The following ZC3H11A variants were observed in gnomAD, a reference collection of about 807,000 sequenced individuals.
ZC3H11A encodes the protein zinc finger CCCH-type containing 11A.
ZC3H11A carries 22 observed loss-of-function variants against 90.8 expected under a neutral mutation model. That is an observed-to-expected ratio of 0.24 (90% confidence interval 0.17 to 0.35). The LOEUF (loss-of-function observed/expected upper bound fraction) is 0.35, where lower values mean the gene tolerates loss of function less well. Ranked by LOEUF, ZC3H11A falls within the 10% of genes least tolerant of loss-of-function variation. ZC3H11A has a pLI of 1.00. For missense variants in ZC3H11A, 701 were observed against 964.9 expected (o/e 0.73, Z 3.62); for synonymous variants, 294 against 339.8 (o/e 0.87, Z 1.48).
intron 5 of ZC3H11A, 49 bp downstream of exon 5, chr1:203,828,471 T>C (rs1681267826): frequency 1.9e-6 from 3 of 1,558,432 alleles, no homozygotes; most frequent in African/African-American, 1.4e-5. Flanking sequence ...ACACCTATTA[T>C]GCACACTGTA....
rs77585755 is a variant in ZC3H11A, at chr1:203,798,675, G to A, written c.-1588+2881G>A. ...AAACAGATCTGAAAGTCCTATTCCC[G>A]TTGCAGAGCAAGGCACTCTGATGCG... On this transcript the variant is annotated intron_variant, in intron 1 of 17. Coordinates refer to ENST00000367210, the MANE Select transcript of ZC3H11A (RefSeq NM_001376342.1). 5,478 of 1,536,098 alleles carry A rather than the reference G, an allele frequency of 3.6e-3. 22 individuals carry two copies. Among genetic ancestry groups the A allele is most frequent in the Non-Finnish European group, 4.4e-3 (5,086 of 1,146,906 alleles).
At chr1:203,814,910 A>C (rs1572036770) in intron 2 of ZC3H11A, 1 of 151,864 alleles carries the variant, frequency 6.6e-6, no homozygotes, top group African/African-American at 2.4e-5. Context: ...GCTCACTGCA[A>C]CCTCCACCTC....
At chr1:203,836,017 A>G (rs1684211890) in intron 10 of ZC3H11A, 5 of 154,458 alleles carry the variant, frequency 3.2e-5, no homozygotes, top group South Asian at 4.1e-4. Context: ...TTAGAGTACA[A>G]ACCAAACCAG....
chr1:203,796,150 G>A, intron 1 of ZC3H11A: 1 of 285,620 alleles, frequency 3.5e-6, no homozygotes, highest in Non-Finnish European at 6.5e-6. Context: ...AAAACCGACT[G>A]TTCCCCCGAA....
intron 2 of ZC3H11A, among the ~76,000 whole-genome samples, chr1:203,809,460 G>A (rs951969569): frequency 2.6e-5 from 4 of 152,042 alleles, no homozygotes; most frequent in Non-Finnish European, 4.4e-5. Context: ...ACAGGCCTGA[G>A]CCACCGCACC....
At chr1:203,798,270 A>G (rs752482003) in intron 1 of ZC3H11A, 29 of 1,536,160 alleles carry the variant, frequency 1.9e-5, no homozygotes, top group Non-Finnish European at 2.3e-5. Context: ...ATTTCTCATC[A>G]AAAGTAACAT....
chr1:203,844,365 G>A (rs1391613002), intron 12 of ZC3H11A, among the ~76,000 whole-genome samples: 2 of 151,352 alleles, frequency 1.3e-5, no homozygotes, highest in Non-Finnish European at 2.9e-5. Flanking sequence ...TCACCCTGTT[G>A]GCCAGGCTAG....
At chr1:203,833,420 A>T (rs1337792600) in intron 9 of ZC3H11A, among the ~76,000 whole-genome samples, 1 of 150,034 alleles carries the variant, frequency 6.7e-6, no homozygotes, top group Non-Finnish European at 1.5e-5. Flanking sequence ...AGTCCCAGCT[A>T]CTTGGGAGGC....
chr1:203,799,900 A>G (rs1670001281), intron 1 of ZC3H11A: 1 of 1,536,096 alleles, frequency 6.5e-7, no homozygotes, highest in Non-Finnish European at 8.7e-7. Context: ...ACTTATAAGC[A>G]GTTCCTTGCA....
chr1:203,833,925 C>G (rs946424350), intron 10 of ZC3H11A, 72 bp downstream of exon 10: 1 of 1,529,196 alleles, frequency 6.5e-7, no homozygotes, highest in African/African-American at 1.4e-5. Flanking sequence ...TCTCCAAACT[C>G]TTTTTATACA....
intron 1 of ZC3H11A, chr1:203,797,315 C>T (rs1379720480): frequency 2.5e-5 from 11 of 434,868 alleles, no homozygotes; most frequent in South Asian, 8.2e-5. Context: ...ACCTTAAAGC[C>T]CTCTAAGAAA....
rs533356560 is a variant in ZC3H11A, at chr1:203,841,162, T to A, written c.1042+788T>A. On this transcript the variant is annotated intron_variant, in intron 12 of 17. Transcript: ENST00000367210. ...AGAATCTTTTTTTTTTTTTTATTTT[T>A]TTTTTTAGTATTTATTGATCATTCT... Among the ~76,000 whole-genome samples the A allele has an allele frequency of 1.0e-3, 154 of 151,918 alleles. 1 individual carries two copies. Among genetic ancestry groups the A allele is most frequent in the South Asian group, 4.8e-3 (23 of 4,804 alleles).
chr1:203,853,625 T>C lies in ZC3H11A; in HGVS notation c.*1226T>C, dbSNP rs1489422246. 1 of 152,798 alleles carries C rather than the reference T, an allele frequency of 6.5e-6. No individual in the cohort carries two copies. The highest frequency in any genetic ancestry group is 2.1e-4 in the South Asian group (1 of 4,832). The allele number at this position is 152,798 out of a possible 1,614,324, so 9.5% of individuals were successfully genotyped here. ...TGCTGTAGGTGGCCAGTTTTGTTTCTCATAGGGAAATCTGACCCACCTGTC... is the reference window on the plus strand; with the variant it reads ...TGCTGTAGGTGGCCAGTTTTGTTTCCCATAGGGAAATCTGACCCACCTGTC... On this transcript the variant is annotated 3_prime_UTR_variant, in exon 18 of 18. Coordinates refer to ENST00000367210, the MANE Select transcript of ZC3H11A (RefSeq NM_001376342.1).
intron 12 of ZC3H11A, among the ~76,000 whole-genome samples, chr1:203,843,362 ATTTCT>A (rs1687004413): frequency 6.6e-6 from 1 of 152,064 alleles, no homozygotes; most frequent in African/African-American, 2.4e-5. Flanking sequence ...ACTGCCCCAC[ATTTCT>A]TTTTGTTTTC....
chr1:203,812,241 T>C (rs1674729495), intron 2 of ZC3H11A, among the ~76,000 whole-genome samples: 1 of 152,112 alleles, frequency 6.6e-6, no homozygotes, highest in Non-Finnish European at 1.5e-5. Flanking sequence ...GCCTAGTATC[T>C]ATTAGTTGTT....
chr1:203,848,502 CAT>C, intron 14 of ZC3H11A, 95 bp downstream of exon 14: 1 of 855,340 alleles, frequency 1.2e-6, no homozygotes, highest in Admixed American at 2.5e-5. Context: ...GTACTTCATT[CAT>C]ATATTAGGTA....
chr1:203,846,641 G>A (rs1687981135), intron 12 of ZC3H11A, among the ~76,000 whole-genome samples: 1 of 152,120 alleles, frequency 6.6e-6, no homozygotes, highest in Non-Finnish European at 1.5e-5. Flanking sequence ...CTAGCCCAGT[G>A]TTCATTACAT....
intron 4 of ZC3H11A, among the ~76,000 whole-genome samples, chr1:203,823,333 T>C (rs116560568): frequency 0.011 from 1,642 of 152,304 alleles, 36 homozygotes; most frequent in African/African-American, 0.038. Flanking sequence ...AGCACACTCT[T>C]TTCCTAGTCA....
chr1:203,818,729 A>G, intron 4 of ZC3H11A, 40 bp downstream of exon 4: 1 of 1,612,956 alleles, frequency 6.2e-7, no homozygotes, highest in Non-Finnish European at 8.5e-7. Flanking sequence ...AGTAGTCTGG[A>G]GACCTGGTGG....
Sources: gnomAD v4.1 joint callset for allele counts (sites outside exome capture counted in the v4.1 genomes callset) on GRCh38, gnomAD v4.1.1 for gene constraint, MANE v1.5 for transcripts, NCBI Gene and HGNC (gene_info 2026-07-23, HGNC 2026-07-21) for gene names.